The following ADSL variants were observed in gnomAD, a reference collection of about 807,000 sequenced individuals.
The protein encoded by ADSL is adenylosuccinate lyase.
ADSL carries 44 observed loss-of-function variants against 62.1 expected under a neutral mutation model. The ratio of observed to expected loss-of-function variants is 0.71; its 90% CI spans 0.56 to 0.91. The LOEUF (loss-of-function observed/expected upper bound fraction) is 0.91, where lower values mean the gene tolerates loss of function less well. Ranked by LOEUF, ADSL falls within the 40% of genes least tolerant of loss-of-function variation. The pLI is 0.00. For missense variants in ADSL, 531 were observed against 627.4 expected, an observed-to-expected ratio of 0.85 and a Z score of 1.64; for synonymous variants, 198 against 220.5, an observed-to-expected ratio of 0.90 and a Z score of 0.90.
At chr22:40,350,687 T>C (rs1272107966) in intron 2 of ADSL, among the ~76,000 whole-genome samples, 1 of 151,904 alleles carries the variant, frequency 6.6e-6, no homozygotes, top group Non-Finnish European at 1.5e-5. Flanking sequence ...GGCATGATCT[T>C]GGCTCACTGC....
Position 40,366,536 on chromosome 22 carries a change from T to A in ADSL, c.*14T>A. On this transcript the variant is annotated 3_prime_UTR_variant, in exon 13 of 13. Coordinates refer to ENST00000623063, the MANE Select transcript of ADSL (RefSeq NM_000026.4). Reference sequence around the variant, plus strand: ...TTATGTCTGTAGAGTTGGAAGAGAATTAAACGAAAATCATTGTTAATTGCT... The same window carrying A: ...TTATGTCTGTAGAGTTGGAAGAGAAATAAACGAAAATCATTGTTAATTGCT... 2 of 1,581,760 alleles carry A rather than the reference T, an allele frequency of 1.3e-6. No individual in the cohort carries two copies. Among genetic ancestry groups the A allele is most frequent in the Non-Finnish European group, 1.7e-6 (2 of 1,150,614 alleles).
At chr22:40,357,512 C>T (rs987410256) in intron 4 of ADSL, among the ~76,000 whole-genome samples, 1 of 152,132 alleles carries the variant, frequency 6.6e-6, no homozygotes, top group Non-Finnish European at 1.5e-5. Flanking sequence ...CTTGGCCTCC[C>T]AAAGTGCTGG....
At chr22:40,350,119 G>T in intron 2 of ADSL, 84 bp downstream of exon 2, 3 of 1,286,398 alleles carry the variant, frequency 2.3e-6, no homozygotes, top group Non-Finnish European at 3.3e-6. Flanking sequence ...AGTTGAGGAA[G>T]TGACACTATA....
chr22:40,380,832 G>T (rs1258599425), intron 2 of ADSL, among the ~76,000 whole-genome samples: 1 of 152,076 alleles, frequency 6.6e-6, no homozygotes, highest in Non-Finnish European at 1.5e-5. Context: ...CTCCTTGGGA[G>T]GCTGAGGTGG....
Position 40,353,082 on chromosome 22 carries a change from A to G in ADSL, c.367A>G (p.Ile123Val). 1.2e-6 allele frequency: 2 copies of G among 1,613,760 alleles called. No homozygotes were observed. Among genetic ancestry groups the G allele is most frequent in the Non-Finnish European group, 1.7e-6 (2 of 1,179,672 alleles). Residue 123 changes from isoleucine to valine, a missense_variant, in exon 3 of 13, where the codon ATT becomes GTT. Coordinates refer to ENST00000623063, the MANE Select transcript of ADSL (RefSeq NM_000026.4). The part of the protein sequence containing the change: ...CYVGDNTDLI[I>V]LRNALDLLLP... Reference sequence around the variant, plus strand: ...GCATTTTCTTTCGTAGGACTTGATTATTCTTAGAAATGCACTTGACCTGCT... The same window carrying G: ...GCATTTTCTTTCGTAGGACTTGATTGTTCTTAGAAATGCACTTGACCTGCT...
intron 2 of ADSL, 121 bp downstream of exon 2, chr22:40,350,156 G>C (rs1428764255): frequency 1.2e-6 from 1 of 869,402 alleles, no homozygotes; most frequent in African/African-American, 1.7e-5. Flanking sequence ...TTGAGGCAGA[G>C]TCTCCCTCTG....
chr22:40,349,922 A>C lies in ADSL; in HGVS notation c.244A>C (p.Lys82Gln), dbSNP rs768958353. 6.2e-7 allele frequency: 1 copy of C among 1,614,194 alleles called. No homozygotes were observed. Among genetic ancestry groups the C allele is most frequent in the Admixed American group, 1.7e-5 (1 of 60,014 alleles). Residue 82 changes from lysine (K) to glutamine (Q), a missense_variant, in exon 2 of 13, where the codon AAA becomes CAA. Physicochemically the swap from Lys to Gln is moderately conservative, Grantham distance 53. Transcript: ENST00000623063. ...IDFKMAAEEE[K>Q]RLRHDVMAHV... The stretch of plus-strand genomic sequence containing the variant: ...CTTCAAGATGGCAGCTGAGGAAGAG[A>C]AACGTTTACGACATGATGTGATGGC...
chr22:40,373,683 T>G (rs1384844396), downstream of ADSL: 2 of 152,276 alleles, frequency 1.3e-5, no homozygotes, highest in East Asian at 3.8e-4. Flanking sequence ...TGGGGCAATC[T>G]CGGCTCACTG....
chr22:40,385,822 G>C (rs2048323884), intron 2 of ADSL, among the ~76,000 whole-genome samples: 1 of 152,114 alleles, frequency 6.6e-6, no homozygotes, highest in Non-Finnish European at 1.5e-5. Flanking sequence ...CTTTGTCCAG[G>C]AGGAACATGA....
intron 2 of ADSL, among the ~76,000 whole-genome samples, chr22:40,377,910 G>A (rs759929561): frequency 4.0e-5 from 6 of 151,840 alleles, no homozygotes; most frequent in Non-Finnish European, 5.9e-5. Flanking sequence ...AGAAATCTTG[G>A]AGAAGATGTG....
At chr22:40,386,675 A>G (rs1361952166) in intron 2 of ADSL, among the ~76,000 whole-genome samples, 2 of 147,070 alleles carry the variant, frequency 1.4e-5, no homozygotes, top group African/African-American at 2.5e-5. Flanking sequence ...TCTTGTCTCA[A>G]TCTCCCAAAG....
intron 4 of ADSL, 92 bp from the exon 5 acceptor site, chr22:40,358,772 A>T: frequency 1.6e-6 from 2 of 1,225,442 alleles, no homozygotes; most frequent in Non-Finnish European, 1.2e-6. Flanking sequence ...TCTCCCTCCA[A>T]GGGGTAATGG....
chr22:40,365,861 C>T (rs544604112), intron 12 of ADSL, among the ~76,000 whole-genome samples: 87 of 151,828 alleles, frequency 5.7e-4, no homozygotes, highest in Admixed American at 7.9e-4. Flanking sequence ...AAAATGAGAT[C>T]CTGTCTTAAA....
chr22:40,352,967 T>C (rs977403988), intron 2 of ADSL, 106 bp from the exon 3 acceptor site: 55 of 850,648 alleles, frequency 6.5e-5, no homozygotes, highest in Non-Finnish European at 1.0e-4. Context: ...AGTGGTGATA[T>C]AGGCTGGTAG....
chr22:40,360,310 G>A lies in ADSL; in HGVS notation c.702-92G>A, dbSNP rs8192460. The stretch of plus-strand genomic sequence containing the variant: ...TCCTGAGTTAAAGCAGTCCTCCTCC[G>A]TTAGCCTCCTAAGTAGCTGGGACTA... On this transcript the variant is annotated intron_variant, in intron 6 of 12. Transcript: ENST00000623063. 7,293 of 1,062,596 alleles carry A rather than the reference G, an allele frequency of 6.9e-3. 53 individuals are homozygous for A. Among genetic ancestry groups the A allele is most frequent in the Non-Finnish European group, 7.7e-3 (5,291 of 685,434 alleles). The allele number at this position is 1,062,596 out of a possible 1,614,324, so 65.8% of individuals were successfully genotyped here.
At chr22:40,358,821 G>A in intron 4 of ADSL, 43 bp from the exon 5 acceptor site, 3 of 1,527,252 alleles carry the variant, frequency 2.0e-6, no homozygotes, top group Non-Finnish European at 2.7e-6. Context: ...GATGATTTAA[G>A]GTCTCGGTCT....
rs192967851 is a variant in ADSL at position 40,376,637 on chromosome 22, A to G, written c.89+10139A>G. 1.4e-4 allele frequency: 22 copies of G among 152,148 alleles called. No individual in the cohort carries two copies. The East Asian group carries it at 3.7e-3, about 25-fold the overall frequency. 9.4% of individuals were successfully genotyped at this position (152,148 alleles called of 1,614,324 possible). Reference sequence around the variant, plus strand: ...GTATTAACTCACAATCCTCACATCAACCCTATGTATTGCTAGTATTATGCC... The same window carrying G: ...GTATTAACTCACAATCCTCACATCAGCCCTATGTATTGCTAGTATTATGCC... On this transcript the variant is annotated intron_variant, in intron 2 of 2. Coordinates refer to the ADSL transcript ENST00000498234.
chr22:40,371,700 T>A (rs1358266268), downstream of ADSL, among the ~76,000 whole-genome samples: 1 of 152,116 alleles, frequency 6.6e-6, no homozygotes, highest in African/African-American at 2.4e-5. Context: ...TTTCTTTTCT[T>A]TTCTATTTTT....
chr22:40,351,874 C>T (rs1601557806), intron 2 of ADSL: 3 of 151,266 alleles, frequency 2.0e-5, no homozygotes, highest in Middle Eastern at 3.5e-3. Context: ...AGGATGGTCT[C>T]GATCTCCTGA....
Sources: allele counts gnomAD v4.1 joint callset (sites outside exome capture counted in the v4.1 genomes callset), GRCh38; gene constraint gnomAD v4.1.1; transcripts MANE v1.5; gene names NCBI Gene and HGNC (gene_info 2026-07-23, HGNC 2026-07-21).